Variants in NXPH1 observed in about 807,000 individuals in gnomAD.
NXPH1 encodes the protein neurexophilin-1.
In NXPH1, 5 loss-of-function variants were observed where a neutral mutation model predicts 23.7. The ratio of observed to expected loss-of-function variants is 0.21; its 90% CI spans 0.11 to 0.44. NXPH1 has a LOEUF of 0.44. Among genes scored for constraint, NXPH1 ranks in the 20% least tolerant of loss-of-function variants. The probability of loss-of-function intolerance (pLI) is 0.99; values close to 1 mark genes in which losing one functional copy is unlikely to be tolerated. For synonymous variants in NXPH1, 144 were observed against 122.2 expected (o/e 1.18, Z -1.18); for missense variants, 324 against 321.6 (o/e 1.01, Z -0.06).
At chr7:8,730,698 G>A (rs1780137581) in intron 2 of NXPH1, among the ~76,000 whole-genome samples, 1 of 152,128 alleles carries the variant, frequency 6.6e-6, no homozygotes, top group Admixed American at 6.5e-5. Context: ...CGGAGTTTCT[G>A]CCGAGAGATC....
At chr7:8,717,976 A>AT (rs1390658102) in intron 2 of NXPH1, among the ~76,000 whole-genome samples, 9 of 151,520 alleles carry the variant, frequency 5.9e-5, no homozygotes, top group Non-Finnish European at 1.0e-4. Flanking sequence ...ATATACATTT[A>AT]TTTTGGCTTG....
chr7:8,501,997 A>G (rs887578146), intron 2 of NXPH1, among the ~76,000 whole-genome samples: 1 of 151,410 alleles, frequency 6.6e-6, no homozygotes, highest in African/African-American at 2.4e-5. Context: ...GTTTGGAGTG[A>G]TCTTGTTGCT....
At chr7:8,475,960 T>C (rs943537459) in intron 2 of NXPH1, among the ~76,000 whole-genome samples, 1 of 152,140 alleles carries the variant, frequency 6.6e-6, no homozygotes, top group African/African-American at 2.4e-5. Context: ...TCCACTCACC[T>C]TGCCAGCAAG....
intron 2 of NXPH1, among the ~76,000 whole-genome samples, chr7:8,613,397 T>C (rs1312516058): frequency 6.6e-6 from 1 of 152,028 alleles, no homozygotes; most frequent in Non-Finnish European, 1.5e-5. Context: ...AATAATGTGA[T>C]AATTAGAAGG....
At position 8,692,790 on chromosome 7, in the gene NXPH1, G is replaced by T. The variant is rs188386764; in HGVS notation, c.55-58218G>T. On this transcript the variant is annotated intron_variant, in intron 2 of 2. Transcript: ENST00000405863. ...AAGGGTGATGGTAACTTCTAAAGCC[G>T]AGTTGAAAGAAGCATGATAGAAAGG... 6.6e-5 allele frequency among the ~76,000 whole-genome samples: 10 copies of T among 152,228 alleles called. No individual in the cohort carries two copies. The East Asian group carries it at 1.9e-3, about 29-fold the overall frequency.
rs1469085746 is a variant in NXPH1, at chr7:8,463,113, A to G, written c.54+27346A>G. 2.6e-5 allele frequency among the ~76,000 whole-genome samples: 4 copies of G among 152,166 alleles called. No individual in the cohort carries two copies. The South Asian group carries it at 8.3e-4, about 32-fold the overall frequency. ...AATATAATTCATAAGTTTAGGGGTAATTCTTCAGTCATAGCCAAGGCAATG... is the reference window on the plus strand; with the variant it reads ...AATATAATTCATAAGTTTAGGGGTAGTTCTTCAGTCATAGCCAAGGCAATG... On this transcript the variant is annotated intron_variant, in intron 2 of 2. Coordinates refer to ENST00000405863, the MANE Select transcript of NXPH1 (RefSeq NM_152745.3).
chr7:8,477,409 T>C (rs751112148), intron 2 of NXPH1, among the ~76,000 whole-genome samples: 2 of 152,104 alleles, frequency 1.3e-5, no homozygotes, highest in Admixed American at 6.6e-5. Context: ...GTGGTCAAGC[T>C]GAGTTGTTAA....
chr7:8,676,388 T>G (rs2115173292), intron 2 of NXPH1, among the ~76,000 whole-genome samples: 1 of 152,320 alleles, frequency 6.6e-6, no homozygotes, highest in South Asian at 2.1e-4. Flanking sequence ...GTCATTTGCA[T>G]AACACTCCAC....
chr7:8,475,879 C>T (rs544326425), intron 2 of NXPH1, among the ~76,000 whole-genome samples: 1 of 152,208 alleles, frequency 6.6e-6, no homozygotes, highest in South Asian at 2.1e-4. Flanking sequence ...CATTTGAATT[C>T]TGTAATCTTT....
At chr7:8,730,382 T>G (rs1195532334) in intron 2 of NXPH1, among the ~76,000 whole-genome samples, 2 of 149,840 alleles carry the variant, frequency 1.3e-5, no homozygotes, top group African/African-American at 2.5e-5. Flanking sequence ...ATCCTGTCAT[T>G]ATGATGTTAG....
chr7:8,630,352 A>T (rs1176573861), intron 2 of NXPH1, among the ~76,000 whole-genome samples: 1 of 152,156 alleles, frequency 6.6e-6, no homozygotes, highest in African/African-American at 2.4e-5. Flanking sequence ...TATTCTCAAG[A>T]TATTTAATGA....
At chr7:8,701,668 T>G (rs1010426184) in intron 2 of NXPH1, among the ~76,000 whole-genome samples, 2 of 152,082 alleles carry the variant, frequency 1.3e-5, no homozygotes, top group African/African-American at 4.8e-5. Flanking sequence ...TGCACTTGTG[T>G]TTTAATCATC....
chr7:8,550,739 A>G (rs1416106436), intron 2 of NXPH1, among the ~76,000 whole-genome samples: 8 of 151,522 alleles, frequency 5.3e-5, no homozygotes, highest in African/African-American at 1.9e-4. Context: ...TTTGAACCAC[A>G]TGCATCTGCA....
At chr7:8,670,049 A>G (rs1013658690) in intron 2 of NXPH1, among the ~76,000 whole-genome samples, 2 of 152,214 alleles carry the variant, frequency 1.3e-5, no homozygotes, top group African/African-American at 4.8e-5. Context: ...TATTATAAAC[A>G]AGTATTGGAA....
chr7:8,736,093 TGATTTTTTGAAG>T (rs1780249830), intron 2 of NXPH1, among the ~76,000 whole-genome samples: 2 of 152,206 alleles, frequency 1.3e-5, no homozygotes, highest in Admixed American at 6.5e-5. Context: ...CTGGATTCAT[TGATTTTTTGAAG>T]GATTTTTTGT....
chr7:8,504,845 G>C (rs1416677055), intron 2 of NXPH1, among the ~76,000 whole-genome samples: 1 of 152,030 alleles, frequency 6.6e-6, no homozygotes, highest in African/African-American at 2.4e-5. Context: ...CTGAAAACCA[G>C]GAAGCAGATC....
chr7:8,450,983 G>A (rs1816496824), intron 2 of NXPH1, among the ~76,000 whole-genome samples: 1 of 152,118 alleles, frequency 6.6e-6, no homozygotes, highest in Admixed American at 6.6e-5. Context: ...TAGAATGTGT[G>A]CTTTCAACTT....
chr7:8,562,844 A>G (rs950732058), intron 2 of NXPH1, among the ~76,000 whole-genome samples: 11 of 151,692 alleles, frequency 7.3e-5, no homozygotes, highest in African/African-American at 2.4e-4. Flanking sequence ...ATCTCTAGTT[A>G]TCTCTGAGTG....
chr7:8,592,326 T>C (rs1819116359), intron 2 of NXPH1, among the ~76,000 whole-genome samples: 1 of 152,010 alleles, frequency 6.6e-6, no homozygotes, highest in Admixed American at 6.6e-5. Flanking sequence ...CAACAATTGC[T>C]TTCTGGTGGT....
Sources: allele counts gnomAD v4.1 joint callset (sites outside exome capture counted in the v4.1 genomes callset), GRCh38; gene constraint gnomAD v4.1.1; transcripts MANE v1.5; gene names NCBI Gene and HGNC (gene_info 2026-07-23, HGNC 2026-07-21).